The following CDH13 variants were observed in gnomAD, a reference collection of about 807,000 sequenced individuals.
The protein encoded by CDH13 is cadherin 13.
CDH13 carries 24 observed loss-of-function variants against 63.8 expected under a neutral mutation model. The ratio of observed to expected loss-of-function variants is 0.38; its 90% CI spans 0.27 to 0.53. CDH13 has a LOEUF of 0.53. CDH13 is among the 20% of genes least tolerant of loss of function. The probability of loss-of-function intolerance (pLI) is 0.85; values close to 1 mark genes in which losing one functional copy is unlikely to be tolerated. For missense variants in CDH13, 1,049 were observed against 903.1 expected (o/e 1.16, Z -2.07); for synonymous variants, 503 against 355.3 (o/e 1.42, Z -4.67).
chr16:83,005,986 A>G (rs1197278489), intron 2 of CDH13, among the ~76,000 whole-genome samples: 1 of 152,196 alleles, frequency 6.6e-6, no homozygotes. Flanking sequence ...AGTCCTTCAT[A>G]TGTCATTGAC....
chr16:82,692,918 A>C (rs1255620510), intron 1 of CDH13, among the ~76,000 whole-genome samples: 1 of 152,156 alleles, frequency 6.6e-6, no homozygotes, highest in Non-Finnish European at 1.5e-5. Context: ...ACTGGCTTCT[A>C]GCCAATAGAG....
intron 10 of CDH13, among the ~76,000 whole-genome samples, chr16:83,683,275 A>G (rs1915553402): frequency 6.6e-6 from 1 of 152,238 alleles, no homozygotes; most frequent in Non-Finnish European, 1.5e-5. Flanking sequence ...TCTTCTTTTT[A>G]ATGACTTTTA....
chr16:83,446,582 G>C (rs531845962), intron 6 of CDH13, among the ~76,000 whole-genome samples: 7 of 152,144 alleles, frequency 4.6e-5, no homozygotes, highest in Non-Finnish European at 8.8e-5. Flanking sequence ...ACCACACAGG[G>C]ATTTGGTACC....
chr16:83,029,325 T>G (rs1464217015), intron 2 of CDH13, among the ~76,000 whole-genome samples: 1 of 152,162 alleles, frequency 6.6e-6, no homozygotes, highest in Admixed American at 6.5e-5. Context: ...TGTGCTAGGA[T>G]CTATGTAGCT....
chr16:83,237,873 G>T (rs958894724), intron 5 of CDH13, among the ~76,000 whole-genome samples: 2 of 152,182 alleles, frequency 1.3e-5, no homozygotes, highest in African/African-American at 4.8e-5. Context: ...TTGTGTCTTT[G>T]GGTATTGATA....
intron 5 of CDH13, among the ~76,000 whole-genome samples, chr16:83,233,267 A>C (rs1219006148): frequency 6.6e-6 from 1 of 152,180 alleles, no homozygotes; most frequent in African/African-American, 2.4e-5. Context: ...CCCACAGGCT[A>C]TGCGTGAAGC....
intron 8 of CDH13, among the ~76,000 whole-genome samples, chr16:83,628,742 T>C (rs896713597): frequency 4.6e-5 from 7 of 152,242 alleles, no homozygotes; most frequent in African/African-American, 1.4e-4. Context: ...GTGTTATTCA[T>C]GGCCAGCCAG....
At chr16:83,455,376 C>T (rs1309578160) in intron 6 of CDH13, among the ~76,000 whole-genome samples, 3 of 152,146 alleles carry the variant, frequency 2.0e-5, no homozygotes, top group African/African-American at 7.2e-5. Flanking sequence ...CTGGTGTGAT[C>T]ACTGGCCCAC....
intron 1 of CDH13, among the ~76,000 whole-genome samples, chr16:82,659,497 C>T (rs964391724): frequency 1.3e-5 from 2 of 152,014 alleles, no homozygotes; most frequent in Non-Finnish European, 1.5e-5. Flanking sequence ...GAAATTGGAA[C>T]AAAAAATAAC....
At chr16:83,118,674 G>A (rs937648806) in intron 3 of CDH13, among the ~76,000 whole-genome samples, 12 of 152,048 alleles carry the variant, frequency 7.9e-5, no homozygotes, top group Non-Finnish European at 1.3e-4. Flanking sequence ...AGAGAGTGCA[G>A]ACCACTTTCA....
chr16:83,123,978 T>G (rs1444100126), intron 3 of CDH13, among the ~76,000 whole-genome samples: 4 of 152,204 alleles, frequency 2.6e-5, no homozygotes, highest in African/African-American at 4.8e-5. Context: ...ATTTTTCATA[T>G]GTCTGTTGGC....
At chr16:83,635,217 T>A (rs538536182) in intron 8 of CDH13, among the ~76,000 whole-genome samples, 2 of 152,206 alleles carry the variant, frequency 1.3e-5, no homozygotes, top group South Asian at 4.1e-4. Flanking sequence ...TGCATGTGCT[T>A]ATTTGCCGTC....
chr16:83,367,364 G>T (rs146998120), intron 6 of CDH13, among the ~76,000 whole-genome samples: 1 of 151,976 alleles, frequency 6.6e-6, no homozygotes, highest in Admixed American at 6.5e-5. Flanking sequence ...AAGTTTTTAC[G>T]TTATATTTTA....
intron 1 of CDH13, among the ~76,000 whole-genome samples, chr16:82,750,529 G>T (rs933243922): frequency 6.6e-6 from 1 of 152,190 alleles, no homozygotes; most frequent in African/African-American, 2.4e-5. Flanking sequence ...CCAGACTAAT[G>T]ATCTGACATA....
At chr16:83,271,531 A>AC (rs1398687730) in intron 5 of CDH13, among the ~76,000 whole-genome samples, 8 of 146,062 alleles carry the variant, frequency 5.5e-5, no homozygotes, top group African/African-American at 1.9e-4. Context: ...AACAACAACA[A>AC]AAAAAAACGC....
At chr16:83,782,738 A>G (rs1357903153) in intron 12 of CDH13, among the ~76,000 whole-genome samples, 2 of 89,484 alleles carry the variant, frequency 2.2e-5, no homozygotes, top group Non-Finnish European at 4.5e-5. Context: ...CCTGTCTCGA[A>G]AAAAAAAAAA....
Position 82,729,095 on chromosome 16 carries a change from G to A in CDH13, c.45+101958G>A, listed in dbSNP as rs370423624. 5.3e-5 allele frequency among the ~76,000 whole-genome samples: 8 copies of A among 152,170 alleles called. No individual in the cohort carries two copies. The South Asian group carries it at 1.7e-3, about 32-fold the overall frequency. On this transcript the variant is annotated intron_variant, in intron 1 of 13. Coordinates refer to ENST00000567109, the MANE Select transcript of CDH13 (RefSeq NM_001257.5). ...TTGTCTTTCAGTTTCCACCACATCT[G>A]CCGTTACTTCCTCTACTGAAGTCAT...
chr16:82,705,872 A>C (rs2031444217), intron 1 of CDH13, among the ~76,000 whole-genome samples: 1 of 152,176 alleles, frequency 6.6e-6, no homozygotes, highest in Non-Finnish European at 1.5e-5. Flanking sequence ...GAAGGGGTAG[A>C]TGCTTTTACA....
In CDH13 at chr16:83,133,915, C is replaced by T. The variant is rs555975213; in HGVS notation, c.483+8414C>T. Among the ~76,000 whole-genome samples the T allele has an allele frequency of 2.6e-5, 4 of 152,298 alleles. No homozygotes were observed. The East Asian group carries it at 5.8e-4, about 22-fold the overall frequency. ...CCCACTAACTGTAATTCATCAGATGCGGTGGCCCAGGACAGGGCCTAACAC... is the reference window on the plus strand; with the variant it reads ...CCCACTAACTGTAATTCATCAGATGTGGTGGCCCAGGACAGGGCCTAACAC... On this transcript the variant is annotated intron_variant, in intron 4 of 13. Coordinates refer to ENST00000567109, the MANE Select transcript of CDH13 (RefSeq NM_001257.5).
Sources: allele counts gnomAD v4.1 joint callset (sites outside exome capture counted in the v4.1 genomes callset), GRCh38; gene constraint gnomAD v4.1.1; transcripts MANE v1.5; gene names NCBI Gene and HGNC (gene_info 2026-07-23, HGNC 2026-07-21).